Variants in MACROD2 observed in about 807,000 individuals in gnomAD.
The protein encoded by MACROD2 is mono-ADP ribosylhydrolase 2.
A neutral mutation model predicts 70.4 loss-of-function variants in MACROD2; 36 were observed. The ratio of observed to expected loss-of-function variants is 0.51; its 90% CI spans 0.39 to 0.68. The LOEUF (loss-of-function observed/expected upper bound fraction) is 0.68, where lower values mean the gene tolerates loss of function less well. Ranked by LOEUF, MACROD2 falls within the 30% of genes least tolerant of loss-of-function variation. The pLI is 0.00. For missense variants in MACROD2, 496 were observed against 538.4 expected (o/e 0.92, Z 0.78); for synonymous variants, 172 against 178.8 (o/e 0.96, Z 0.30).
intron 5 of MACROD2, among the ~76,000 whole-genome samples, chr20:15,189,538 T>C (rs964052583): frequency 6.6e-6 from 1 of 152,188 alleles, no homozygotes; most frequent in African/African-American, 2.4e-5. Context: ...ACTGCTATTA[T>C]TGACTTTATT....
chr20:14,344,837 CAT>C (rs557855612), intron 3 of MACROD2, among the ~76,000 whole-genome samples: 53 of 152,294 alleles, frequency 3.5e-4, no homozygotes, highest in African/African-American at 1.2e-3. Flanking sequence ...GTTTAATTCT[CAT>C]GTGTACATAG....
intron 7 of MACROD2, among the ~76,000 whole-genome samples, chr20:15,450,962 C>T (rs1161336558): frequency 6.6e-6 from 1 of 152,138 alleles, no homozygotes; most frequent in Non-Finnish European, 1.5e-5. Flanking sequence ...ATGGGACATA[C>T]TGGGCTTGAC....
intron 4 of MACROD2, among the ~76,000 whole-genome samples, chr20:14,580,344 A>G (rs1980925450): frequency 1.3e-5 from 2 of 152,186 alleles, no homozygotes; most frequent in South Asian, 4.1e-4. Context: ...TACAGACTTA[A>G]TATGCAGTGG....
At chr20:15,306,494 A>G (rs1287431295) in intron 6 of MACROD2, among the ~76,000 whole-genome samples, 1 of 152,194 alleles carries the variant, frequency 6.6e-6, no homozygotes, top group Non-Finnish European at 1.5e-5. Flanking sequence ...TAATTTGCCC[A>G]AAGTATCATA....
intron 3 of MACROD2, among the ~76,000 whole-genome samples, chr20:14,252,583 G>T (rs2082021904): frequency 1.3e-5 from 2 of 151,848 alleles, no homozygotes; most frequent in Admixed American, 1.3e-4. Flanking sequence ...GAATTTGTGT[G>T]TTTTGTTTAC....
At chr20:14,810,546 C>A (rs974707669) in intron 5 of MACROD2, among the ~76,000 whole-genome samples, 1 of 152,118 alleles carries the variant, frequency 6.6e-6, no homozygotes. Context: ...AGGATGCCCT[C>A]TCTCACCACT....
chr20:15,922,645 C>A (rs1278740530), intron 10 of MACROD2, among the ~76,000 whole-genome samples: 2 of 152,222 alleles, frequency 1.3e-5, no homozygotes. Flanking sequence ...CTCCCCTGAG[C>A]AAATTTCACT....
chr20:15,483,094 C>A (rs941679197), intron 7 of MACROD2, among the ~76,000 whole-genome samples: 3 of 152,012 alleles, frequency 2.0e-5, no homozygotes, highest in Non-Finnish European at 1.5e-5. Flanking sequence ...TTATTTTTTT[C>A]ATAAAGCATG....
At chr20:15,248,238 G>A (rs1393972780) in intron 6 of MACROD2, among the ~76,000 whole-genome samples, 1 of 152,166 alleles carries the variant, frequency 6.6e-6, no homozygotes, top group African/African-American at 2.4e-5. Context: ...GCTGCTCTCT[G>A]TGACTTTCCT....
intron 5 of MACROD2, among the ~76,000 whole-genome samples, chr20:14,908,954 G>A (rs1448356430): frequency 6.6e-6 from 1 of 152,170 alleles, no homozygotes; most frequent in Non-Finnish European, 1.5e-5. Context: ...GAAGGATGAA[G>A]CATTCAGAAG....
At chr20:14,727,844 C>T (rs1251144100) in intron 5 of MACROD2, among the ~76,000 whole-genome samples, 2 of 152,284 alleles carry the variant, frequency 1.3e-5, no homozygotes, top group East Asian at 3.9e-4. Context: ...ATTTTCCAGT[C>T]CCATTTCACT....
chr20:15,271,590 G>A lies in MACROD2; in HGVS notation c.540+41529G>A, dbSNP rs146026472. 3.3e-3 allele frequency among the ~76,000 whole-genome samples: 505 copies of A among 152,312 alleles called. 12 individuals are homozygous for A. Among genetic ancestry groups the A allele is most frequent in the Non-Finnish European group, 2.2e-4 (15 of 68,020 alleles). ...TTGAATAAGCAATTATACGTATAAT[G>A]TGCATAGCTCTTTTCCTGACATGTA... is the stretch of plus-strand genomic sequence containing the variant. On this transcript the variant is annotated intron_variant, in intron 6 of 17. Coordinates refer to ENST00000684519, the MANE Select transcript of MACROD2 (RefSeq NM_001351661.2).
chr20:14,839,829 G>A (rs1286949869), intron 5 of MACROD2, among the ~76,000 whole-genome samples: 1 of 152,062 alleles, frequency 6.6e-6, no homozygotes, highest in Non-Finnish European at 1.5e-5. Context: ...TAAAATTTTA[G>A]ATTAGGTTTT....
chr20:14,776,287 T>G (rs2072233784), intron 5 of MACROD2, among the ~76,000 whole-genome samples: 1 of 151,978 alleles, frequency 6.6e-6, no homozygotes, highest in African/African-American at 2.4e-5. Flanking sequence ...AAAATGATCA[T>G]CCATATCTTG....
chr20:15,314,914 A>C (rs1021321706), intron 6 of MACROD2, among the ~76,000 whole-genome samples: 3 of 152,222 alleles, frequency 2.0e-5, no homozygotes, highest in Admixed American at 1.3e-4. Flanking sequence ...GAAGACCTTG[A>C]GCTATCAACT....
At position 14,344,896 on chromosome 20, in the gene MACROD2, G is replaced by A. The variant is rs184748410; in HGVS notation, c.272-148583G>A. Among the ~76,000 whole-genome samples, 160 of 152,278 alleles carry A rather than the reference G, an allele frequency of 1.1e-3. 1 individual carries two copies. The highest frequency in any genetic ancestry group is 3.7e-3 in the African/African-American group (155 of 41,568). On this transcript the variant is annotated intron_variant, in intron 3 of 17. Coordinates refer to ENST00000684519, the MANE Select transcript of MACROD2 (RefSeq NM_001351661.2). ...GCAGCTTTGGATGTAACCCCTCTTT[G>A]TTTTCTTCAGTAGCCCAGGGAACAG...
At chr20:15,271,572 A>G (rs1489520476) in intron 6 of MACROD2, among the ~76,000 whole-genome samples, 1 of 152,236 alleles carries the variant, frequency 6.6e-6, no homozygotes, top group African/African-American at 2.4e-5. Flanking sequence ...ATGTTGAATA[A>G]GCAATTATAC....
At chr20:15,923,189 C>T (rs181173425) in intron 10 of MACROD2, among the ~76,000 whole-genome samples, 2 of 152,294 alleles carry the variant, frequency 1.3e-5, no homozygotes, top group Admixed American at 6.5e-5. Flanking sequence ...CTGATAAAAA[C>T]ATACCCGAAA....
intron 3 of MACROD2, among the ~76,000 whole-genome samples, chr20:14,285,610 AAACTT>A (rs758348316): frequency 6.6e-6 from 1 of 152,042 alleles, no homozygotes; most frequent in Non-Finnish European, 1.5e-5. Flanking sequence ...AAAAAAAACT[AAACTT>A]AGAAAAAAAA....
Sources: allele counts gnomAD v4.1 joint callset (sites outside exome capture counted in the v4.1 genomes callset), GRCh38; gene constraint gnomAD v4.1.1; transcripts MANE v1.5; gene names NCBI Gene and HGNC (gene_info 2026-07-23, HGNC 2026-07-21).